DACH1: variants seen among roughly 807,000 people sequenced by gnomAD.
The protein encoded by DACH1 is dachshund family transcription factor 1, also known as dachshund homolog 1.
In DACH1, 12 loss-of-function variants were observed where a neutral mutation model predicts 54.2. The ratio of observed to expected loss-of-function variants is 0.22; its 90% CI spans 0.14 to 0.36. DACH1 has a LOEUF of 0.36. Ranked by LOEUF, DACH1 falls within the 10% of genes least tolerant of loss-of-function variation. DACH1 has a pLI of 1.00. For synonymous variants in DACH1, 386 were observed against 366.2 expected, an observed-to-expected ratio of 1.05 and a Z score of -0.62; for missense variants, 805 against 929.8, an observed-to-expected ratio of 0.87 and a Z score of 1.75.
rs117107812 is a variant in DACH1 at position 71,671,191 on chromosome 13, C to T, written c.964+10604G>A. On this transcript the variant is annotated intron_variant, in intron 2 of 10. Transcript: ENST00000613252. ...TTATATTCAATAATTGCCATTTCCT[C>T]CTATTGACTAATTTTACAGCTATGG... 6.6e-3 allele frequency among the ~76,000 whole-genome samples: 1,001 copies of T among 151,858 alleles called. 21 individuals are homozygous for T. Among genetic ancestry groups the T allele is most frequent in the Non-Finnish European group, 6.4e-3 (435 of 67,842 alleles).
intron 1 of DACH1, among the ~76,000 whole-genome samples, chr13:71,707,300 A>T (rs1399893401): frequency 6.6e-6 from 1 of 152,244 alleles, no homozygotes; most frequent in Admixed American, 6.5e-5. Context: ...ACGTGCTTGG[A>T]AGAGTTTCTT....
At chr13:71,599,828 TACACACACAC>T (rs113936121) in intron 3 of DACH1, among the ~76,000 whole-genome samples, 2 of 146,604 alleles carry the variant, frequency 1.4e-5, no homozygotes, top group Non-Finnish European at 3.0e-5. Context: ...AACACATTTC[TACACACACAC>T]ACACACACAC....
intron 1 of DACH1, among the ~76,000 whole-genome samples, chr13:71,761,021 CTCTA>C (rs1885381102): frequency 6.6e-6 from 1 of 151,694 alleles, no homozygotes; most frequent in African/African-American, 2.4e-5. Flanking sequence ...TCCTTATATC[CTCTA>C]TCTACTACTC....
chr13:71,546,244 CAAAAGT>C (rs1408572603), intron 6 of DACH1, among the ~76,000 whole-genome samples: 4 of 151,924 alleles, frequency 2.6e-5, no homozygotes, highest in Admixed American at 2.6e-4. Flanking sequence ...TTTACCTTCA[CAAAAGT>C]ATAATTCTCA....
chr13:71,566,316 T>A (rs1466987750), intron 4 of DACH1, among the ~76,000 whole-genome samples: 1 of 152,116 alleles, frequency 6.6e-6, no homozygotes, highest in East Asian at 1.9e-4. Context: ...TCATAGATGG[T>A]GTTGCAAGCT....
intron 3 of DACH1, among the ~76,000 whole-genome samples, chr13:71,598,816 C>G (rs1874295144): frequency 6.6e-6 from 1 of 152,158 alleles, no homozygotes; most frequent in South Asian, 2.1e-4. Context: ...CAGACTCTCC[C>G]TCGGCGATGG....
At chr13:71,682,840 A>G (rs1389305625) in intron 1 of DACH1, among the ~76,000 whole-genome samples, 1 of 152,158 alleles carries the variant, frequency 6.6e-6, no homozygotes, top group Non-Finnish European at 1.5e-5. Flanking sequence ...TTAATGGAAA[A>G]CAACCTAAAG....
At chr13:71,850,871 T>C (rs1157470418) in intron 1 of DACH1, among the ~76,000 whole-genome samples, 1 of 152,196 alleles carries the variant, frequency 6.6e-6, no homozygotes, top group African/African-American at 2.4e-5. Context: ...ATTTGTAAAA[T>C]ATGTGAATAT....
chr13:71,541,113 T>G (rs1883101009), intron 6 of DACH1, among the ~76,000 whole-genome samples: 1 of 151,974 alleles, frequency 6.6e-6, no homozygotes, highest in Admixed American at 6.6e-5. Context: ...AAGTAATAAG[T>G]GCAAATTATG....
intron 1 of DACH1, among the ~76,000 whole-genome samples, chr13:71,719,841 G>A (rs948522105): frequency 3.3e-5 from 5 of 151,858 alleles, no homozygotes; most frequent in African/African-American, 1.2e-4. Context: ...CTCCAGCCTG[G>A]GCCACAGAGT....
intron 1 of DACH1, among the ~76,000 whole-genome samples, chr13:71,709,793 G>A (rs1462596602): frequency 6.6e-6 from 1 of 152,174 alleles, no homozygotes; most frequent in South Asian, 2.1e-4. Flanking sequence ...GTCTGGAAAT[G>A]TACACCCTGC....
chr13:71,632,438 CT>C (rs1877176009), intron 2 of DACH1, among the ~76,000 whole-genome samples: 1 of 120,466 alleles, frequency 8.3e-6, no homozygotes, highest in East Asian at 2.7e-4. Context: ...TTTTTTTTTA[CT>C]GTGGCTTCTT....
rs141278021 is a variant in DACH1, at chr13:71,845,076, T to A, written c.848+20846A>T. ...TGTAGGGTACCTATAGTTAATAATA[T>A]GTGATATAGGTTCAAATAGCTAGAA... On this transcript the variant is annotated intron_variant, in intron 1 of 10. Coordinates refer to ENST00000613252, the MANE Select transcript of DACH1 (RefSeq NM_080759.6). Among the ~76,000 whole-genome samples, 38 of 152,210 alleles carry A rather than the reference T, an allele frequency of 2.5e-4. No individual in the cohort carries two copies. In the East Asian group the frequency reaches 7.1e-3, roughly 29 times the overall value.
chr13:71,632,069 G>A (rs1877146412), intron 2 of DACH1, among the ~76,000 whole-genome samples: 1 of 151,710 alleles, frequency 6.6e-6, no homozygotes, highest in African/African-American at 2.4e-5. Flanking sequence ...GGGTGACAGA[G>A]TGAGACTCTG....
chr13:71,803,346 C>T (rs1047553514), intron 1 of DACH1, among the ~76,000 whole-genome samples: 1 of 152,040 alleles, frequency 6.6e-6, no homozygotes, highest in African/African-American at 2.4e-5. Context: ...GTAAACTGTT[C>T]ATGTATATTT....
intron 6 of DACH1, among the ~76,000 whole-genome samples, chr13:71,518,985 C>A (rs1881363679): frequency 6.6e-6 from 1 of 151,894 alleles, no homozygotes; most frequent in African/African-American, 2.4e-5. Context: ...AGCAGAGTCC[C>A]AATTGTTCAT....
chr13:71,560,628 G>C (rs1055449015), intron 4 of DACH1, among the ~76,000 whole-genome samples: 1 of 152,114 alleles, frequency 6.6e-6, no homozygotes, highest in Non-Finnish European at 1.5e-5. Flanking sequence ...ATTTGGTACT[G>C]TGCTTCCTGA....
At chr13:71,526,911 T>C (rs892090921) in intron 6 of DACH1, among the ~76,000 whole-genome samples, 4 of 151,822 alleles carry the variant, frequency 2.6e-5, no homozygotes, top group African/African-American at 9.7e-5. Context: ...TGTCAGAATG[T>C]GCCCTAGGCT....
At chr13:71,456,545 A>T (rs1375095660) in intron 10 of DACH1, among the ~76,000 whole-genome samples, 2 of 152,048 alleles carry the variant, frequency 1.3e-5, no homozygotes, top group African/African-American at 4.8e-5. Flanking sequence ...ACCACTTTAT[A>T]ATAAAAATCT....
Sources: gnomAD v4.1 joint callset for allele counts (sites outside exome capture counted in the v4.1 genomes callset) on GRCh38, gnomAD v4.1.1 for gene constraint, MANE v1.5 for transcripts, NCBI Gene and HGNC (gene_info 2026-07-23, HGNC 2026-07-21) for gene names.